Variants in SYNM observed in about 807,000 individuals in gnomAD.
SYNM encodes the protein synemin.
SYNM carries 95 observed loss-of-function variants against 104.0 expected under a neutral mutation model. That is an observed-to-expected ratio of 0.91 (90% CI 0.77 to 1.08). The LOEUF is 1.08. Among genes scored for constraint, SYNM ranks in the 50% least tolerant of loss-of-function variants. SYNM has a pLI of 0.00. For missense variants in SYNM, 2,150 were observed against 2,052.2 expected, an observed-to-expected ratio of 1.05 and a Z score of -0.92; for synonymous variants, 918 against 869.0, an observed-to-expected ratio of 1.06 and a Z score of -0.99.
At chr15:99,124,908 T>C (rs2067433337) in intron 2 of SYNM, among the ~76,000 whole-genome samples, 1 of 152,188 alleles carries the variant, frequency 6.6e-6, no homozygotes, top group Non-Finnish European at 1.5e-5. Context: ...AAGGGGAAGC[T>C]GTGGGGCTGT....
Position 99,105,460 on chromosome 15 carries a change from T to A in SYNM, c.261T>A (p.Ala87=), listed in dbSNP as rs1479611404. 7.1e-7 allele frequency: 1 copy of A among 1,402,880 alleles called. No individual in the cohort carries two copies. The highest frequency in any genetic ancestry group is 9.2e-7 in the Non-Finnish European group (1 of 1,082,592). 86.9% of individuals were successfully genotyped at this position (1,402,880 alleles called of 1,614,324 possible). A position where few individuals can be genotyped will look rare whatever the true frequency, so the allele number is the denominator to read the frequency against. The change falls in exon 1 of 4, where the codon GCT becomes GCA. Residue 87 remains alanine (A), a synonymous_variant. Transcript: ENST00000336292. ...CGCTGGCGGAGGGCGAGCGGGACGC[T>A]CTGCGGCGCGAGCTGCGGGAGCTGC... ...ATALAEGERD[A]LRRELRELQR... is the part of the protein sequence containing the mutation.
At position 99,131,346 on chromosome 15, in the gene SYNM, TC is replaced by T. The variant is rs34201527; in HGVS notation, c.2988del (p.Val997Ter). 1.9e-6 allele frequency: 3 copies of T among 1,613,140 alleles called. No individual in the cohort carries two copies. In the African/African-American group the frequency reaches 4.0e-5, roughly 22 times the overall value. ...GAAGGTCCAGGGTGCTGGTGGCAGTTCCGTGACCCTGGTTGCTGAAGTCAAC... is the reference window on the plus strand; with the variant it reads ...GAAGGTCCAGGGTGCTGGTGGCAGTTCGTGACCCTGGTTGCTGAAGTCAAC... ...VKKVQGAGGS[S>X]VTLVAEVNVS... On this transcript the variant is annotated frameshift_variant, in exon 4 of 4. Coordinates refer to ENST00000336292, the MANE Select transcript of SYNM (RefSeq NM_145728.3). LOFTEE classifies it high-confidence loss of function. The surrounding 1 kb of genome is among the most constrained non-coding windows in gnomAD (Gnocchi z 4.3).
chr15:99,137,334 G>C (rs1055078101), downstream of SYNM: 1 of 152,342 alleles, frequency 6.6e-6, no homozygotes, highest in Admixed American at 6.5e-5. Context: ...GGAGGGATGC[G>C]AAGCAGCAGG....
chr15:99,132,220 T>G lies in SYNM; in HGVS notation c.3860T>G (p.Val1287Gly). The G allele has an allele frequency of 6.2e-7, 1 of 1,612,136 alleles. No individual in the cohort carries two copies. Among genetic ancestry groups the G allele is most frequent in the Non-Finnish European group, 8.5e-7 (1 of 1,178,646 alleles). The change falls in exon 4 of 4, where the codon GTG (valine) becomes GGG (glycine). Residue 1287 changes from valine (V) to glycine (G), a missense_variant. Physicochemically the swap from Val to Gly is moderately radical, Grantham distance 109. Coordinates refer to ENST00000336292, the MANE Select transcript of SYNM (RefSeq NM_145728.3). ...IQFTAPLSDK[V>G]ELGVIGDSVH... Reference sequence around the variant, plus strand: ...TTCACAGCTCCACTTTCAGACAAGGTGGAGTTGGGTGTCATAGGAGATTCT... The same window carrying G: ...TTCACAGCTCCACTTTCAGACAAGGGGGAGTTGGGTGTCATAGGAGATTCT...
chr15:99,133,520 A>G lies in SYNM; in HGVS notation c.*462A>G, dbSNP rs963666806. 2.5e-5 allele frequency: 4 copies of G among 161,392 alleles called. No individual in the cohort carries two copies. Among genetic ancestry groups the G allele is most frequent in the African/African-American group, 9.6e-5 (4 of 41,510 alleles). 10.0% of individuals were successfully genotyped at this position (161,392 alleles called of 1,614,324 possible). On this transcript the variant is annotated 3_prime_UTR_variant, in exon 4 of 4. Transcript: ENST00000336292. ...AATAAATACAATTTAGACTCTAAAA[A>G]GTCTTTTCAAAAAGAAATGGGAAAT...
At position 99,131,101 on chromosome 15, in the gene SYNM, G is replaced by A. The variant is rs782197710; in HGVS notation, c.2741G>A (p.Gly914Asp). 3.1e-6 allele frequency: 5 copies of A among 1,603,100 alleles called. No individual in the cohort carries two copies. In the Admixed American group the frequency reaches 8.6e-5, roughly 28 times the overall value. The change falls in exon 4 of 4, where the codon GGT becomes GAT. Residue 914 changes from glycine (G) to aspartate (D), a missense_variant. Transcript: ENST00000336292. The surrounding 1 kb of genome is among the most constrained non-coding windows in gnomAD (Gnocchi z 4.3). ...CACTGGAAAGAACAAGCTAGAAGCG[G>A]TGAATTTCATGCCGAACCCACAGTC... is the stretch of plus-strand genomic sequence containing the variant. ...STHWKEQARS[G>D]EFHAEPTVIE...
chr15:99,114,526 T>C (rs2067328976), intron 2 of SYNM, among the ~76,000 whole-genome samples: 1 of 152,054 alleles, frequency 6.6e-6, no homozygotes, highest in African/African-American at 2.4e-5. Flanking sequence ...ATCTCAGGGC[T>C]CTGATGCCAC....
chr15:99,117,812 AG>A (rs1211704450), intron 2 of SYNM, among the ~76,000 whole-genome samples: 6 of 151,568 alleles, frequency 4.0e-5, no homozygotes, highest in Non-Finnish European at 5.9e-5. Flanking sequence ...CCAGCTTTTC[AG>A]GGCATCGATC....
At chr15:99,106,106 G>T (rs1405618744) in intron 1 of SYNM, 97 bp downstream of exon 1, 9 of 1,269,786 alleles carry the variant, frequency 7.1e-6, no homozygotes, top group Middle Eastern at 2.8e-4. Context: ...TTCACCAGGG[G>T]CGCGGCGTCG....
chr15:99,138,032 C>T (rs202124987), downstream of SYNM: 149 of 1,613,942 alleles, frequency 9.2e-5, no homozygotes, highest in Non-Finnish European at 1.1e-4. Flanking sequence ...TGTGCCGGGC[C>T]GGGCCTTCCC....
chr15:99,123,620 C>T (rs2067421439), intron 2 of SYNM, among the ~76,000 whole-genome samples: 1 of 152,232 alleles, frequency 6.6e-6, no homozygotes, highest in Non-Finnish European at 1.5e-5. Flanking sequence ...AGTGAGGAGT[C>T]GAGGGAGGCG....
chr15:99,111,263 C>T (rs931086777), intron 1 of SYNM, among the ~76,000 whole-genome samples: 2 of 152,122 alleles, frequency 1.3e-5, no homozygotes, highest in Non-Finnish European at 2.9e-5. Context: ...AACATTTGAA[C>T]TTCTTTGTAA....
chr15:99,119,350 C>A (rs1210936708), intron 2 of SYNM, among the ~76,000 whole-genome samples: 1 of 152,202 alleles, frequency 6.6e-6, no homozygotes, highest in African/African-American at 2.4e-5. Flanking sequence ...CTTGGGCCCA[C>A]CCAGACATAC....
At position 99,132,589 on chromosome 15, in the gene SYNM, A is replaced by T; in HGVS notation, c.4229A>T (p.Glu1410Val). ...AGGCACATTCGACTAGGTCCTACAG[A>T]AACGGAAACCTCTGAACACATTGCC... is the stretch of plus-strand genomic sequence containing the variant. The part of the protein sequence containing the change: ...SFRHIRLGPT[E>V]TETSEHIAIR... Residue 1410 changes from glutamate to valine, a missense_variant, in exon 4 of 4, where the codon GAA becomes GTA. Glu to Val is a moderately radical substitution (Grantham distance 121). Coordinates refer to ENST00000336292, the MANE Select transcript of SYNM (RefSeq NM_145728.3). The T allele has an allele frequency of 6.2e-7, 1 of 1,614,050 alleles. No individual in the cohort carries two copies. The highest frequency in any genetic ancestry group is 8.5e-7 in the Non-Finnish European group (1 of 1,179,906).
Position 99,105,872 on chromosome 15 carries a change from G to A in SYNM, c.673G>A (p.Glu225Lys). The part of the protein sequence containing the change: ...RGQESRLQAE[E>K]ETRLCAQEAE... ...CCAGGAGAGCAGACTCCAGGCGGAG[G>A]AAGAGACGCGGCTGTGCGCGCAGGA... The change falls in exon 1 of 4, where the codon GAA (glutamate) becomes AAA (lysine). Residue 225 changes from glutamate (E) to lysine (K), a missense_variant. Coordinates refer to ENST00000336292, the MANE Select transcript of SYNM (RefSeq NM_145728.3). 1.3e-6 allele frequency: 2 copies of A among 1,541,680 alleles called. No individual in the cohort carries two copies. The highest frequency in any genetic ancestry group is 1.7e-6 in the Non-Finnish European group (2 of 1,146,510).
At position 99,105,181 on chromosome 15, in the gene SYNM, A is replaced by G; in HGVS notation, c.-19A>G. 1 of 1,566,850 alleles carries G rather than the reference A, an allele frequency of 6.4e-7. No homozygotes were observed. Among genetic ancestry groups the G allele is most frequent in the Admixed American group, 1.8e-5 (1 of 54,310 alleles). On this transcript the variant is annotated 5_prime_UTR_variant, in exon 1 of 4. Transcript: ENST00000336292. ...AGGAGGGAGCCGGCCAGCCGCGAGA[A>G]CCCCGCACGCCCGGCAAGATGCTGT...
Position 99,130,594 on chromosome 15 carries a change from A to T in SYNM, c.2234A>T (p.Asn745Ile), listed in dbSNP as rs1252482405. The change falls in exon 4 of 4, where the codon AAC becomes ATC. Residue 745 changes from asparagine (N) to isoleucine (I), a missense_variant. Asn to Ile is a moderately radical substitution (Grantham distance 149, BLOSUM62 -3). Transcript: ENST00000336292. ...AGGGAGGGGAGAGCAAAGGTCGTCA[A>T]CGTGGAGATCGTGGAGGAGCCCGTG... ...KGREGRAKVV[N>I]VEIVEEPVSY... The T allele has an allele frequency of 6.2e-7, 1 of 1,613,786 alleles. No individual in the cohort carries two copies.
Position 99,105,328 on chromosome 15 carries a change from G to C in SYNM, c.129G>C (p.Leu43=). The C allele has an allele frequency of 6.5e-7, 1 of 1,541,338 alleles. No individual in the cohort carries two copies. Among genetic ancestry groups the C allele is most frequent in the Non-Finnish European group, 8.7e-7 (1 of 1,145,790 alleles). The change falls in exon 1 of 4, where the codon CTG becomes CTC. Residue 43 remains leucine (L), a synonymous_variant. Coordinates refer to ENST00000336292, the MANE Select transcript of SYNM (RefSeq NM_145728.3). ...AAAACCTACTCCTGGAGGAGGAGCT[G>C]CGCGGCCGGCGCGGGCGAGAGGGCC... ...ERENLLLEEE[L]RGRRGREGLW...
rs782504823 is a variant in SYNM, at chr15:99,131,836, G to T, written c.3476G>T (p.Ser1159Ile). Residue 1159 changes from serine to isoleucine, a missense_variant, in exon 4 of 4, where the codon AGT (serine) becomes ATT (isoleucine). Physicochemically the swap from Ser to Ile is moderately radical, Grantham distance 142. Coordinates refer to ENST00000336292, the MANE Select transcript of SYNM (RefSeq NM_145728.3). The surrounding 1 kb of genome is among the most constrained non-coding windows in gnomAD (Gnocchi z 4.3). Reference protein sequence around the residue: ...VVEVSAGGDLSQAASPTGASR... With the variant: ...VVEVSAGGDLIQAASPTGASR... The stretch of plus-strand genomic sequence containing the variant: ...GAGGTAAGTGCGGGAGGTGACCTAA[G>T]TCAGGCAGCGAGCCCGACCGGAGCC... 5.6e-6 allele frequency: 9 copies of T among 1,613,884 alleles called. No homozygotes were observed. The Admixed American group carries it at 1.0e-4, about 18-fold the overall frequency.
Sources: gnomAD v4.1 joint callset for allele counts (sites outside exome capture counted in the v4.1 genomes callset) on GRCh38, gnomAD v4.1.1 for gene constraint, Gnocchi (gnomAD v3.1) non-coding constraint, MANE v1.5 for transcripts, NCBI Gene and HGNC (gene_info 2026-07-23, HGNC 2026-07-21) for gene names.